IMMP2L: variants seen among roughly 807,000 people sequenced by gnomAD.
IMMP2L encodes the protein mitochondrial inner membrane protease subunit 2.
In IMMP2L, 18 loss-of-function variants were observed where a neutral mutation model predicts 19.3. The observed-to-expected ratio is 0.93, with a 90% CI of 0.64 to 1.38. IMMP2L has a LOEUF of 1.38. Among genes scored for constraint, IMMP2L ranks in the 40% most tolerant of loss-of-function variants. The pLI is 0.00. For missense variants in IMMP2L, 233 were observed against 218.2 expected (o/e 1.07, Z -0.43); for synonymous variants, 76 against 73.0 (o/e 1.04, Z -0.21).
chr7:111,140,828 T>C (rs574609050), intron 3 of IMMP2L, among the ~76,000 whole-genome samples: 1 of 152,230 alleles, frequency 6.6e-6, no homozygotes, highest in South Asian at 2.1e-4. Context: ...ATTCTTCCAC[T>C]GAAAGAGTAA....
intron 1 of IMMP2L, among the ~76,000 whole-genome samples, chr7:111,535,931 G>A (rs184403305): frequency 1.3e-5 from 2 of 152,244 alleles, no homozygotes; most frequent in Non-Finnish European, 2.9e-5. Flanking sequence ...AATCTTCAGA[G>A]TAAAGGTTGA....
intron 5 of IMMP2L, among the ~76,000 whole-genome samples, chr7:110,707,024 C>T (rs539561806): frequency 0.016 from 1,398 of 86,830 alleles, 28 homozygotes; most frequent in South Asian, 0.06. Context: ...TTTTATTATA[C>T]TCTAAGTTTT....
rs115094557 is a variant in IMMP2L, at chr7:111,196,250, A to G, written c.240-232685T>C. On this transcript the variant is annotated intron_variant, in intron 3 of 5. Transcript: ENST00000405709. ...ATAATCTCTTGGAATAATGTGAAAGATTATATTGTTCCCTAAAAGGAACAA... is the reference window on the plus strand; with the variant it reads ...ATAATCTCTTGGAATAATGTGAAAGGTTATATTGTTCCCTAAAAGGAACAA... Among the ~76,000 whole-genome samples, 1,340 of 152,302 alleles carry G rather than the reference A, an allele frequency of 8.8e-3. 23 individuals are homozygous for G. The highest frequency in any genetic ancestry group is 0.031 in the African/African-American group (1,270 of 41,540).
intron 3 of IMMP2L, among the ~76,000 whole-genome samples, chr7:111,053,376 T>A (rs937823424): frequency 6.6e-6 from 1 of 152,122 alleles, no homozygotes; most frequent in Non-Finnish European, 1.5e-5. Context: ...TCACTTGAGG[T>A]GTTCTTTCCT....
chr7:111,499,414 G>A (rs1436292588), intron 2 of IMMP2L, among the ~76,000 whole-genome samples: 2 of 152,016 alleles, frequency 1.3e-5, no homozygotes, highest in South Asian at 2.1e-4. Flanking sequence ...AGAGCCCCAA[G>A]GTCTCCTCAG....
At chr7:110,832,290 C>A (rs1214844440) in intron 5 of IMMP2L, among the ~76,000 whole-genome samples, 1 of 145,386 alleles carries the variant, frequency 6.9e-6, no homozygotes, top group Non-Finnish European at 1.5e-5. Flanking sequence ...AACAAAAAAA[C>A]CCTACTCTGT....
chr7:111,196,149 T>C (rs1301143126), intron 3 of IMMP2L, among the ~76,000 whole-genome samples: 1 of 152,132 alleles, frequency 6.6e-6, no homozygotes, highest in Non-Finnish European at 1.5e-5. Context: ...GCTGGGATTA[T>C]AGGCATAAGG....
intron 3 of IMMP2L, among the ~76,000 whole-genome samples, chr7:111,164,039 C>T (rs142476186): frequency 2.1e-3 from 291 of 140,236 alleles, no homozygotes; most frequent in Middle Eastern, 7.8e-3. Flanking sequence ...GGATTAAAAA[C>T]AGAACACTGG....
chr7:110,685,879 A>T (rs538110561), intron 5 of IMMP2L, among the ~76,000 whole-genome samples: 79 of 152,242 alleles, frequency 5.2e-4, no homozygotes, highest in African/African-American at 1.9e-3. Flanking sequence ...GAAGACTTCC[A>T]TTGTTGCTTT....
chr7:111,202,739 C>T (rs1810279936), intron 3 of IMMP2L, among the ~76,000 whole-genome samples: 1 of 152,026 alleles, frequency 6.6e-6, no homozygotes, highest in Non-Finnish European at 1.5e-5. Context: ...TAATAAGCAA[C>T]TTTACACTAT....
chr7:110,701,724 C>A (rs190743919), intron 5 of IMMP2L, among the ~76,000 whole-genome samples: 6 of 151,934 alleles, frequency 3.9e-5, no homozygotes, highest in African/African-American at 1.5e-4. Context: ...CGTGCCCAGA[C>A]GACAAAAGAA....
intron 3 of IMMP2L, among the ~76,000 whole-genome samples, chr7:111,463,086 T>C (rs1840284641): frequency 6.6e-6 from 1 of 152,084 alleles, no homozygotes. Context: ...AAGGATCTGT[T>C]CCATGCCTTT....
At chr7:110,993,617 A>G (rs1281965380) in intron 3 of IMMP2L, among the ~76,000 whole-genome samples, 1 of 151,710 alleles carries the variant, frequency 6.6e-6, no homozygotes, top group African/African-American at 2.4e-5. Context: ...CAGACCTCAA[A>G]CCTCTATTAT....
intron 3 of IMMP2L, among the ~76,000 whole-genome samples, chr7:111,297,592 C>T (rs956267315): frequency 1.3e-5 from 2 of 152,038 alleles, no homozygotes; most frequent in African/African-American, 4.8e-5. Context: ...AACATGACAA[C>T]ACAATGACTT....
chr7:110,882,505 C>G (rs570710014), intron 5 of IMMP2L, among the ~76,000 whole-genome samples: 53 of 151,912 alleles, frequency 3.5e-4, no homozygotes, highest in Non-Finnish European at 6.8e-4. Context: ...CTCAGCCTCC[C>G]GAGTAGCTGA....
At chr7:110,804,826 GA>G (rs1344067834) in intron 5 of IMMP2L, among the ~76,000 whole-genome samples, 2 of 152,108 alleles carry the variant, frequency 1.3e-5, no homozygotes, top group Admixed American at 6.6e-5. Flanking sequence ...AACATGTAAG[GA>G]ACTTGTGTCT....
chr7:111,021,176 G>A lies in IMMP2L; in HGVS notation c.240-57611C>T, dbSNP rs939723393. Among the ~76,000 whole-genome samples, 93 of 152,310 alleles carry A rather than the reference G, an allele frequency of 6.1e-4. 1 individual carries two copies. Among genetic ancestry groups the A allele is most frequent in the African/African-American group, 2.1e-3 (88 of 41,566 alleles). ...CTTATACCAGGAAACTCCTAAAAAA[G>A]AGACTTGAGTTATAGGTTAGCTATT... On this transcript the variant is annotated intron_variant, in intron 3 of 5. Coordinates refer to ENST00000405709, the MANE Select transcript of IMMP2L (RefSeq NM_032549.4).
At chr7:110,936,718 A>G (rs1480095310) in intron 4 of IMMP2L, among the ~76,000 whole-genome samples, 1 of 152,176 alleles carries the variant, frequency 6.6e-6, no homozygotes, top group Non-Finnish European at 1.5e-5. Context: ...CCAAAGGATT[A>G]TAGATCATTC....
chr7:111,439,626 TCTTTTAG>T (rs1290141325), intron 3 of IMMP2L, among the ~76,000 whole-genome samples: 6 of 151,966 alleles, frequency 3.9e-5, no homozygotes, highest in Admixed American at 1.3e-4. Flanking sequence ...CAAGTTGTAA[TCTTTTAG>T]CTGTGGAAGT....
Sources: gnomAD v4.1 joint callset for allele counts (sites outside exome capture counted in the v4.1 genomes callset) on GRCh38, gnomAD v4.1.1 for gene constraint, MANE v1.5 for transcripts, NCBI Gene and HGNC (gene_info 2026-07-23, HGNC 2026-07-21) for gene names.